Variants in ATP6V1H observed in about 807,000 individuals in gnomAD.
ATP6V1H encodes ATPase H+ transporting V1 subunit H.
A neutral mutation model predicts 71.7 loss-of-function variants in ATP6V1H; 39 were observed. The ratio of observed to expected loss-of-function variants is 0.54; its 90% CI spans 0.42 to 0.71. ATP6V1H has a LOEUF of 0.71. Ranked by LOEUF, ATP6V1H falls within the 30% of genes least tolerant of loss-of-function variation. ATP6V1H has a pLI of 0.00. For synonymous variants in ATP6V1H, 192 were observed against 199.3 expected (o/e 0.96, Z 0.31); for missense variants, 509 against 594.9 (o/e 0.86, Z 1.50).
At chr8:53,791,990 A>G (rs999322454) in intron 9 of ATP6V1H, among the ~76,000 whole-genome samples, 1 of 152,260 alleles carries the variant, frequency 6.6e-6, no homozygotes, top group African/African-American at 2.4e-5. Context: ...TACTAAATAA[A>G]TACGAATATG....
At chr8:53,774,313 A>G (rs1181855795) in intron 9 of ATP6V1H, among the ~76,000 whole-genome samples, 1 of 152,234 alleles carries the variant, frequency 6.6e-6, no homozygotes, top group African/African-American at 2.4e-5. Context: ...AACCAAAGTG[A>G]CCCTGGTAAA....
intron 12 of ATP6V1H, among the ~76,000 whole-genome samples, chr8:53,744,337 C>G (rs1004508851): frequency 5.3e-5 from 8 of 151,882 alleles, no homozygotes; most frequent in Non-Finnish European, 1.2e-4. Context: ...CTTCCGACAT[C>G]CTGAAAATCC....
chr8:53,814,389 C>T (rs1489999058), intron 6 of ATP6V1H, among the ~76,000 whole-genome samples: 2 of 152,022 alleles, frequency 1.3e-5, no homozygotes, highest in African/African-American at 4.8e-5. Context: ...TCTTGGCAGC[C>T]ACCTAGAAGA....
intron 13 of ATP6V1H, among the ~76,000 whole-genome samples, chr8:53,741,222 T>C (rs1807402814): frequency 1.3e-5 from 2 of 152,112 alleles, no homozygotes; most frequent in Non-Finnish European, 2.9e-5. Context: ...AATTTAAAAA[T>C]TTCATCTTCA....
At chr8:53,721,434 AAACAGTATTT>A in intron 13 of ATP6V1H, among the ~76,000 whole-genome samples, 1 of 152,224 alleles carries the variant, frequency 6.6e-6, no homozygotes, top group East Asian at 1.9e-4. Context: ...AGCCTAGGAA[AAACAGTATTT>A]AACATCACAA....
At chr8:53,839,576 T>C in intron 2 of ATP6V1H, 1 of 980,306 alleles carries the variant, frequency 1.0e-6, no homozygotes, top group South Asian at 4.7e-5. Context: ...ATACCTTGGT[T>C]ACTGCTATAG....
intron 13 of ATP6V1H, among the ~76,000 whole-genome samples, chr8:53,739,300 G>A (rs1365242278): frequency 6.6e-6 from 1 of 151,956 alleles, no homozygotes; most frequent in Non-Finnish European, 1.5e-5. Context: ...TAGTTCATAA[G>A]TAACTATTTT....
At chr8:53,800,438 T>C (rs1034416756) in intron 8 of ATP6V1H, among the ~76,000 whole-genome samples, 11 of 152,182 alleles carry the variant, frequency 7.2e-5, no homozygotes, top group African/African-American at 2.4e-4. Context: ...ATTCAGAAGA[T>C]GAAAACAAAG....
chr8:53,790,269 C>T (rs930105802), intron 9 of ATP6V1H, among the ~76,000 whole-genome samples: 10 of 152,186 alleles, frequency 6.6e-5, no homozygotes, highest in Admixed American at 4.6e-4. Context: ...TTGTAAATAA[C>T]ACACTTGCGT....
At chr8:53,726,098 T>A (rs987933298) in intron 13 of ATP6V1H, among the ~76,000 whole-genome samples, 1 of 152,212 alleles carries the variant, frequency 6.6e-6, no homozygotes, top group African/African-American at 2.4e-5. Flanking sequence ...ACAAGTTGCC[T>A]ATTCTTTGAA....
chr8:53,811,191 A>G lies in ATP6V1H; in HGVS notation c.552T>C (p.Val184=). The change falls in exon 7 of 14, where the codon GTT becomes GTC. Residue 184 remains valine, a synonymous_variant. Transcript: ENST00000359530. ...CACTTGAAGAGACTGTTCCTGTTTC[A>G]ACAGCAACACCGCTACCACGCAGTT... is the stretch of plus-strand genomic sequence containing the variant. ...SQKLRGSGVA[V]ETGTVSSSDS... The G allele has an allele frequency of 6.2e-7, 1 of 1,613,570 alleles. No individual in the cohort carries two copies. The highest frequency in any genetic ancestry group is 8.5e-7 in the Non-Finnish European group (1 of 1,179,660).
intron 13 of ATP6V1H, among the ~76,000 whole-genome samples, chr8:53,733,207 T>A (rs995343412): frequency 6.6e-6 from 1 of 152,228 alleles, no homozygotes; most frequent in Non-Finnish European, 1.5e-5. Context: ...GACAGCTGGT[T>A]CACCCGCCTG....
chr8:53,753,966 G>T (rs1275744638), intron 12 of ATP6V1H, among the ~76,000 whole-genome samples: 1 of 152,106 alleles, frequency 6.6e-6, no homozygotes, highest in Non-Finnish European at 1.5e-5. Context: ...CACAGCAACA[G>T]AAATAGCAAG....
At chr8:53,804,194 A>G (rs1810005256) in intron 7 of ATP6V1H, among the ~76,000 whole-genome samples, 1 of 152,236 alleles carries the variant, frequency 6.6e-6, no homozygotes, top group African/African-American at 2.4e-5. Flanking sequence ...GCACTGGTAA[A>G]TGATTAAATT....
chr8:53,775,403 C>G (rs1449650712), intron 9 of ATP6V1H, among the ~76,000 whole-genome samples: 5 of 152,190 alleles, frequency 3.3e-5, no homozygotes, highest in Non-Finnish European at 7.3e-5. Flanking sequence ...TGCTTTTATT[C>G]TCTTATCTGG....
At chr8:53,781,113 C>T (rs1227693919) in intron 9 of ATP6V1H, among the ~76,000 whole-genome samples, 2 of 152,174 alleles carry the variant, frequency 1.3e-5, no homozygotes, top group African/African-American at 4.8e-5. Context: ...CAGGAATCGC[C>T]ACACTGACTT....
At chr8:53,738,317 G>A (rs2130163318) in intron 13 of ATP6V1H, among the ~76,000 whole-genome samples, 1 of 150,744 alleles carries the variant, frequency 6.6e-6, no homozygotes, top group African/African-American at 2.4e-5. Flanking sequence ...AAAAATGCGT[G>A]CACGTGCACA....
intron 12 of ATP6V1H, among the ~76,000 whole-genome samples, chr8:53,755,745 T>A (rs1413596021): frequency 0.051 from 98 of 1,912 alleles, 12 homozygotes; most frequent in South Asian, 0.11. Flanking sequence ...TATATATATA[T>A]TTTTTTTTTT....
intron 9 of ATP6V1H, among the ~76,000 whole-genome samples, chr8:53,781,645 G>C (rs1292891018): frequency 6.6e-6 from 1 of 151,990 alleles, no homozygotes; most frequent in Non-Finnish European, 1.5e-5. Flanking sequence ...TATTGCCTAG[G>C]TTTTCTTCTA....
Sources: gnomAD v4.1 joint callset for allele counts (sites outside exome capture counted in the v4.1 genomes callset) on GRCh38, gnomAD v4.1.1 for gene constraint, MANE v1.5 for transcripts, NCBI Gene and HGNC (gene_info 2026-07-23, HGNC 2026-07-21) for gene names.